The following SUZ12 variants were observed in gnomAD, a reference collection of about 807,000 sequenced individuals.
The protein encoded by SUZ12 is polycomb protein SUZ12.
In SUZ12, 17 loss-of-function variants were observed where a neutral mutation model predicts 87.3. The ratio of observed to expected loss-of-function variants is 0.19; its 90% CI spans 0.13 to 0.29. The LOEUF (loss-of-function observed/expected upper bound fraction) is 0.29, where lower values mean the gene tolerates loss of function less well. SUZ12 is among the 10% of genes least tolerant of loss of function. SUZ12 has a pLI of 1.00. For synonymous variants in SUZ12, 253 were observed against 312.4 expected, an observed-to-expected ratio of 0.81 and a Z score of 2.01; for missense variants, 526 against 912.2, an observed-to-expected ratio of 0.58 and a Z score of 5.45.
intron 10 of SUZ12, among the ~76,000 whole-genome samples, chr17:31,988,967 G>A (rs552703430): frequency 2.1e-4 from 32 of 151,876 alleles, no homozygotes; most frequent in Middle Eastern, 3.4e-3. Flanking sequence ...AGCTACTTGG[G>A]AGGCTGAGGC....
At chr17:31,979,507 TC>T (rs1334610067) in intron 8 of SUZ12, among the ~76,000 whole-genome samples, 1 of 152,178 alleles carries the variant, frequency 6.6e-6, no homozygotes, top group Non-Finnish European at 1.5e-5. Flanking sequence ...CCCTAGCCTT[TC>T]TCCCTACCTT....
chr17:31,991,108 A>G (rs1487736049), intron 10 of SUZ12, among the ~76,000 whole-genome samples: 1 of 152,172 alleles, frequency 6.6e-6, no homozygotes, highest in South Asian at 2.1e-4. Context: ...GAGAGCACTC[A>G]TGTGTCTTTA....
intron 11 of SUZ12, 90 bp downstream of exon 11, chr17:31,993,423 T>C: frequency 1.2e-6 from 1 of 819,780 alleles, no homozygotes; most frequent in Non-Finnish European, 1.9e-6. Flanking sequence ...ATTTTTATTT[T>C]ATTTATTTAT....
intron 4 of SUZ12, among the ~76,000 whole-genome samples, chr17:31,953,206 A>G (rs1322612586): frequency 6.6e-6 from 1 of 151,900 alleles, no homozygotes; most frequent in African/African-American, 2.4e-5. Flanking sequence ...CCCAGGTTCA[A>G]GCAATTCTCG....
chr17:31,959,806 T>C (rs1182123569), intron 4 of SUZ12, among the ~76,000 whole-genome samples: 2 of 152,226 alleles, frequency 1.3e-5, no homozygotes, highest in African/African-American at 4.8e-5. Context: ...ATGAATTAGC[T>C]TAGCATCATT....
rs1389571589 is a variant in SUZ12 at position 31,979,123 on chromosome 17, A to AAAAAAG, written c.917+2511_917+2512insAAAGAA. ...GTCTCCAAAAAAAAAAAAAAAAAAA[A>AAAAAAG]AAGAATTCAAAACGATAGGAAAGTT... is the stretch of plus-strand genomic sequence containing the variant. On this transcript the variant is annotated intron_variant, in intron 8 of 15. Coordinates refer to ENST00000322652, the MANE Select transcript of SUZ12 (RefSeq NM_015355.4). 3.3e-3 allele frequency among the ~76,000 whole-genome samples: 474 copies of AAAAAAG among 145,664 alleles called. 6 individuals carry two copies. Among genetic ancestry groups the AAAAAAG allele is most frequent in the African/African-American group, 0.012 (457 of 38,502 alleles).
intron 8 of SUZ12, 40 bp downstream of exon 8, chr17:31,976,654 G>A: frequency 7.1e-7 from 1 of 1,401,750 alleles, no homozygotes. Flanking sequence ...CAATGTTCTG[G>A]AAATGTTTTC....
Position 31,979,103 on chromosome 17 carries a change from C to CAAA in SUZ12, c.917+2509_917+2511dup, listed in dbSNP as rs61307349. On this transcript the variant is annotated intron_variant, in intron 8 of 15. Coordinates refer to ENST00000322652, the MANE Select transcript of SUZ12 (RefSeq NM_015355.4). ...CCTGGTGACAGCGAGACTGTGTCTCCAAAAAAAAAAAAAAAAAAAAAAGAA... is the reference window on the plus strand; with the variant it reads ...CCTGGTGACAGCGAGACTGTGTCTCCAAAAAAAAAAAAAAAAAAAAAAAAAGAA... Among the ~76,000 whole-genome samples, 127 of 64,808 alleles carry CAAA rather than the reference C, an allele frequency of 2.0e-3. 2 individuals carry two copies. Among genetic ancestry groups the CAAA allele is most frequent in the Admixed American group, 3.4e-3 (16 of 4,682 alleles). The allele number at this position is 64,808 out of a possible 152,430, so 42.5% of individuals were successfully genotyped here.
Position 32,000,173 on chromosome 17 carries a change from T to G in SUZ12, c.*1170T>G, listed in dbSNP as rs1910186425. On this transcript the variant is annotated 3_prime_UTR_variant, in exon 16 of 16. Coordinates refer to ENST00000322652, the MANE Select transcript of SUZ12 (RefSeq NM_015355.4). ...GTGGTTGAGTAACATCACCTCAATT[T>G]TTTATTATCCTTAAAGATATTGCAT... 1.3e-5 allele frequency: 3 copies of G among 233,232 alleles called. No homozygotes were observed. Among genetic ancestry groups the G allele is most frequent in the African/African-American group, 6.6e-5 (3 of 45,326 alleles). The allele number at this position is 233,232 out of a possible 1,614,324, so 14.4% of individuals were successfully genotyped here.
chr17:31,973,921 T>G (rs1908587286), intron 6 of SUZ12, among the ~76,000 whole-genome samples: 1 of 152,018 alleles, frequency 6.6e-6, no homozygotes, highest in Non-Finnish European at 1.5e-5. Context: ...CAGTGGAACT[T>G]TATTTTTGAA....
intron 6 of SUZ12, among the ~76,000 whole-genome samples, chr17:31,973,947 C>A (rs867072878): frequency 1.3e-5 from 2 of 151,726 alleles, no homozygotes; most frequent in African/African-American, 4.8e-5. Flanking sequence ...ATGTAAAGGC[C>A]GGTTGCCGTA....
rs143075069 is a variant in SUZ12 at position 31,951,723 on chromosome 17, G to T, written c.455+4038G>T. On this transcript the variant is annotated intron_variant, in intron 4 of 15. Transcript: ENST00000322652. ...GATCTCCTGACCTCGTGATCCACCC[G>T]CCTTGGCCTCCCAAAGTGCTGGGAT... is the stretch of plus-strand genomic sequence containing the variant. Among the ~76,000 whole-genome samples the T allele has an allele frequency of 6.5e-3, 980 of 149,650 alleles. 7 individuals carry two copies. Among genetic ancestry groups the T allele is most frequent in the Non-Finnish European group, 8.0e-3 (539 of 67,654 alleles).
intron 8 of SUZ12, among the ~76,000 whole-genome samples, chr17:31,980,941 A>C (rs1467816651): frequency 6.6e-6 from 1 of 151,986 alleles, no homozygotes; most frequent in Non-Finnish European, 1.5e-5. Flanking sequence ...CCAAGGTGAG[A>C]GGATCTCTTG....
intron 15 of SUZ12, among the ~76,000 whole-genome samples, chr17:31,997,520 G>A (rs1008125296): frequency 2.6e-5 from 4 of 151,936 alleles, no homozygotes; most frequent in Non-Finnish European, 5.9e-5. Flanking sequence ...AAACTTAGCC[G>A]GGTGCAGTGT....
chr17:31,950,579 G>C (rs1598151890), intron 4 of SUZ12, among the ~76,000 whole-genome samples: 1 of 152,114 alleles, frequency 6.6e-6, no homozygotes, highest in East Asian at 2.0e-4. Context: ...AGCTACTTGG[G>C]TGACTGAGGC....
At chr17:31,938,240 A>G (rs1906057689) in intron 1 of SUZ12, among the ~76,000 whole-genome samples, 2 of 152,200 alleles carry the variant, frequency 1.3e-5, no homozygotes, top group African/African-American at 4.8e-5. Context: ...GAAACAAACA[A>G]TAGAATTTAT....
At chr17:31,967,051 T>G (rs995066226) in intron 5 of SUZ12, 1 of 151,880 alleles carries the variant, frequency 6.6e-6, no homozygotes, top group African/African-American at 2.4e-5. Context: ...ATATAAACAT[T>G]AGCCAGGCGT....
chr17:31,983,101 G>A lies in SUZ12; in HGVS notation c.1020G>A (p.Gly340=). The A allele has an allele frequency of 6.2e-7, 1 of 1,613,554 alleles. No homozygotes were observed. The highest frequency in any genetic ancestry group is 8.5e-7 in the Non-Finnish European group (1 of 1,179,686). The change falls in exon 9 of 16, where the codon GGG becomes GGA. Residue 340 remains glycine (G), a synonymous_variant. Transcript: ENST00000322652. ...KRATWETILD[G]KRLPPFETFS... ...CAACATGGGAGACTATTCTTGATGGGAAGGTATGGACTACTTAGAAGGTTG... is the reference window on the plus strand; with the variant it reads ...CAACATGGGAGACTATTCTTGATGGAAAGGTATGGACTACTTAGAAGGTTG...
chr17:31,950,052 A>G (rs1215679273), intron 4 of SUZ12, among the ~76,000 whole-genome samples: 2 of 151,480 alleles, frequency 1.3e-5, no homozygotes, highest in Non-Finnish European at 2.9e-5. Flanking sequence ...CTGGAATGCA[A>G]TGGCGTGATC....
Sources: gnomAD v4.1 joint callset for allele counts (sites outside exome capture counted in the v4.1 genomes callset) on GRCh38, gnomAD v4.1.1 for gene constraint, MANE v1.5 for transcripts, NCBI Gene and HGNC (gene_info 2026-07-23, HGNC 2026-07-21) for gene names.